Variants in KALRN observed in about 807,000 individuals in gnomAD.
KALRN encodes the protein kalirin RhoGEF kinase.
A neutral mutation model predicts 353.7 loss-of-function variants in KALRN; 70 were observed. The observed-to-expected ratio is 0.20, with a 90% confidence interval of 0.16 to 0.24. The LOEUF (loss-of-function observed/expected upper bound fraction) is 0.24. Ranked by LOEUF, KALRN falls within the 10% of genes least tolerant of loss-of-function variation. KALRN has a pLI of 1.00. For synonymous variants in KALRN, 1,391 were observed against 1,434.8 expected (o/e 0.97, Z 0.69); for missense variants, 2,791 against 3,756.7 (o/e 0.74, Z 6.72).
Position 124,637,151 on chromosome 3 carries a change from T to A in KALRN, c.5569-57T>A, listed in dbSNP as rs1231806597. 3.0e-6 allele frequency: 4 copies of A among 1,349,770 alleles called. No individual in the cohort carries two copies. The Admixed American group carries it at 6.7e-5, about 23-fold the overall frequency. The allele number at this position is 1,349,770 out of a possible 1,614,324, so 83.6% of individuals were successfully genotyped here. ...TTGGACTTTCTGTTTTATTTCCTGATCACTGTTCCTTATTCTTTGCTAATC... is the reference window on the plus strand; with the variant it reads ...TTGGACTTTCTGTTTTATTTCCTGAACACTGTTCCTTATTCTTTGCTAATC... On this transcript the variant is annotated intron_variant, in intron 36 of 59. Transcript: ENST00000682506.
intron 33 of KALRN, among the ~76,000 whole-genome samples, chr3:124,533,929 A>G (rs940698713): frequency 7.9e-5 from 12 of 152,200 alleles, no homozygotes; most frequent in Non-Finnish European, 1.3e-4. Context: ...GGTTATTATC[A>G]ACAGGTTACC....
At chr3:124,705,275 G>GTTTAT (rs1283838029) in intron 57 of KALRN, among the ~76,000 whole-genome samples, 46 of 152,070 alleles carry the variant, frequency 3.0e-4, no homozygotes, top group African/African-American at 9.7e-4. Context: ...ATAATGCAGG[G>GTTTAT]TTTATTTTAT....
At chr3:124,628,533 C>T (rs2149787543) in intron 34 of KALRN, among the ~76,000 whole-genome samples, 2 of 92,852 alleles carry the variant, frequency 2.2e-5, no homozygotes. Context: ...TCCTTCCTTC[C>T]TTCCTTTCTT....
At chr3:124,696,750 C>T (rs753106950) in intron 54 of KALRN, among the ~76,000 whole-genome samples, 5 of 152,160 alleles carry the variant, frequency 3.3e-5, no homozygotes, top group Non-Finnish European at 5.9e-5. Context: ...GCATTAAGTA[C>T]ATCCACATTT....
intron 1 of KALRN, among the ~76,000 whole-genome samples, chr3:124,044,249 G>A (rs1387357071): frequency 1.3e-5 from 2 of 152,140 alleles, no homozygotes; most frequent in African/African-American, 4.8e-5. Context: ...CCCTCCAGAG[G>A]GCTGGGGAGT....
intron 45 of KALRN, among the ~76,000 whole-genome samples, chr3:124,662,185 C>T (rs2084962616): frequency 6.8e-6 from 1 of 147,286 alleles, no homozygotes; most frequent in Admixed American, 7.1e-5. Context: ...TTGGAAAGAC[C>T]CAGAATTCTT....
chr3:124,674,206 GT>G (rs1251525720), intron 48 of KALRN, among the ~76,000 whole-genome samples, 157 bp from the exon 49 acceptor site: 3 of 152,176 alleles, frequency 2.0e-5, no homozygotes, highest in Non-Finnish European at 4.4e-5. Context: ...TTCAGAGCAT[GT>G]TTATTAATAT....
intron 5 of KALRN, 95 bp downstream of exon 5, chr3:124,269,350 A>G (rs1296834843): frequency 2.9e-6 from 4 of 1,360,656 alleles, no homozygotes; most frequent in South Asian, 2.9e-5. Context: ...ACTTTCCTGG[A>G]AAGCTTTAAA....
chr3:124,160,537 T>C (rs879822944), intron 1 of KALRN, among the ~76,000 whole-genome samples: 3 of 152,070 alleles, frequency 2.0e-5, no homozygotes, highest in Non-Finnish European at 4.4e-5. Flanking sequence ...ATGACCCAAT[T>C]GGTTTTTTGC....
Position 124,633,880 on chromosome 3 carries a change from C to T in KALRN, c.5495C>T (p.Pro1832Leu), listed in dbSNP as rs751723982. The part of the protein sequence containing the change: ...ESKKGWGEDE[P>L]DEESHTPLPP... Reference sequence around the variant, plus strand: ...AAGAAAGGTTGGGGTGAAGATGAGCCGGATGAAGAGTCACACACACCCCTC... The same window carrying T: ...AAGAAAGGTTGGGGTGAAGATGAGCTGGATGAAGAGTCACACACACCCCTC... The change falls in exon 36 of 60, where the codon CCG (proline) becomes CTG (leucine). Residue 1832 changes from proline (P) to leucine (L), a missense_variant. Pro to Leu is a moderately conservative substitution (Grantham distance 98). This residue lies in a region of KALRN where 1,065 missense variants were observed against 1,156.4 expected (regional missense o/e 0.92). Coordinates refer to ENST00000682506, the MANE Select transcript of KALRN (RefSeq NM_001388419.1). 5.1e-5 allele frequency: 82 copies of T among 1,613,800 alleles called. No individual in the cohort carries two copies. The highest frequency in any genetic ancestry group is 4.0e-5 in the African/African-American group (3 of 74,872).
At chr3:124,118,234 G>A (rs966870878) in intron 1 of KALRN, among the ~76,000 whole-genome samples, 1 of 151,988 alleles carries the variant, frequency 6.6e-6, no homozygotes, top group Non-Finnish European at 1.5e-5. Context: ...CTACGTGGTG[G>A]GACTCGCAGC....
chr3:124,144,603 T>G (rs1209999485), intron 1 of KALRN, among the ~76,000 whole-genome samples: 1 of 82,222 alleles, frequency 1.2e-5, no homozygotes, highest in Admixed American at 1.4e-4. Flanking sequence ...GTCTTCCTTC[T>G]CCTCCTCTTC....
chr3:124,287,429 G>A (rs868856631), intron 5 of KALRN, among the ~76,000 whole-genome samples: 18 of 151,630 alleles, frequency 1.2e-4, no homozygotes, highest in African/African-American at 4.1e-4. Context: ...GTCCCTGAAC[G>A]CTGATACCCA....
chr3:124,285,398 A>G (rs1454169459), intron 5 of KALRN, among the ~76,000 whole-genome samples: 1 of 152,220 alleles, frequency 6.6e-6, no homozygotes, highest in African/African-American at 2.4e-5. Context: ...TTTAGTGGGT[A>G]TAGTATACAC....
chr3:124,328,609 C>G (rs933055190), intron 7 of KALRN, among the ~76,000 whole-genome samples: 1 of 152,216 alleles, frequency 6.6e-6, no homozygotes, highest in African/African-American at 2.4e-5. Flanking sequence ...GCACCTGGCA[C>G]TCTTCCAGAA....
At chr3:124,369,058 G>GGAAAGAGA (rs1290557309) in intron 10 of KALRN, among the ~76,000 whole-genome samples, 12 of 151,860 alleles carry the variant, frequency 7.9e-5, no homozygotes, top group African/African-American at 2.7e-4. Context: ...GGGAGACCGT[G>GGAAAGAGA]GGGAGAGGGA....
intron 21 of KALRN, among the ~76,000 whole-genome samples, chr3:124,447,497 G>T (rs1238154378): frequency 1.3e-5 from 2 of 152,170 alleles, no homozygotes; most frequent in Non-Finnish European, 2.9e-5. Context: ...TCACAGCCAG[G>T]ATTTGATCTG....
Position 124,523,195 on chromosome 3 carries a change from A to ATT in KALRN, c.4935+26786_4935+26787dup, listed in dbSNP as rs1457278599. Among the ~76,000 whole-genome samples the ATT allele has an allele frequency of 3.3e-5, 5 of 152,224 alleles. No homozygotes were observed. In the East Asian group the frequency reaches 9.6e-4, roughly 29 times the overall value. On this transcript the variant is annotated intron_variant, in intron 33 of 59. Transcript: ENST00000682506. ...CTCCCAGATCTCTTACTCCTATTCC[A>ATT]TTTTTCTTTCTCCATTAACATTTTT...
At chr3:124,254,520 G>T (rs1399782371) in intron 3 of KALRN, among the ~76,000 whole-genome samples, 3 of 149,910 alleles carry the variant, frequency 2.0e-5, no homozygotes, top group Non-Finnish European at 4.4e-5. Context: ...CCCTTTCCTT[G>T]TGACTGTAAG....
Sources: allele counts gnomAD v4.1 joint callset (sites outside exome capture counted in the v4.1 genomes callset), GRCh38; gene constraint gnomAD v4.1.1; regional missense constraint gnomAD v4.1.1; transcripts MANE v1.5; gene names NCBI Gene and HGNC (gene_info 2026-07-23, HGNC 2026-07-21).